The following NDFIP1 variants were observed in gnomAD, a reference collection of about 807,000 sequenced individuals.
NDFIP1 encodes the protein Nedd4 family interacting protein 1.
In NDFIP1, 7 loss-of-function variants were observed where a neutral mutation model predicts 28.8. The ratio of observed to expected loss-of-function variants is 0.24; its 90% CI spans 0.14 to 0.46. The LOEUF is 0.46. Ranked by LOEUF, NDFIP1 falls within the 20% of genes least tolerant of loss-of-function variation. The pLI, the probability that NDFIP1 is intolerant of heterozygous loss-of-function variation, is 0.99. For synonymous variants in NDFIP1, 92 were observed against 101.0 expected, an observed-to-expected ratio of 0.91 and a Z score of 0.53; for missense variants, 194 against 269.1, an observed-to-expected ratio of 0.72 and a Z score of 1.95.
intron 5 of NDFIP1, among the ~76,000 whole-genome samples, chr5:142,139,016 G>A (rs1000866633): frequency 4.0e-5 from 6 of 151,530 alleles, no homozygotes; most frequent in African/African-American, 1.5e-4. Flanking sequence ...AGGAGATCGA[G>A]ACCATCCTGG....
intron 7 of NDFIP1, among the ~76,000 whole-genome samples, chr5:142,146,608 C>A (rs7725919): frequency 0.16 from 25,045 of 152,094 alleles, 3,026 homozygotes; most frequent in African/African-American, 0.34. Context: ...AGATTTCTTT[C>A]TCTTTTTAAA....
In NDFIP1 at chr5:142,144,655, G is replaced by C; in HGVS notation, c.647G>C (p.Arg216Thr). ...ACTTTCTCAAATCTCCCCAGGACCA[G>C]AGTTCTCTTTATTTATTAAAGGTAT... is the stretch of plus-strand genomic sequence containing the variant. Reference protein sequence around the residue: ...PETFSNLPRTRVLFIY With the variant: ...PETFSNLPRTTVLFIY The change falls in exon 7 of 8, where the codon AGA becomes ACA. Residue 216 changes from arginine to threonine, a missense_variant. Transcript: ENST00000253814. The C allele has an allele frequency of 6.2e-7, 1 of 1,609,390 alleles. No individual in the cohort carries two copies. The highest frequency in any genetic ancestry group is 2.2e-5 in the East Asian group (1 of 44,790).
At chr5:142,135,694 C>T in intron 3 of NDFIP1, 36 bp from the exon 4 acceptor site, 1 of 1,576,840 alleles carries the variant, frequency 6.3e-7, no homozygotes, top group Non-Finnish European at 8.7e-7. Context: ...TATGTCTTCC[C>T]TTTGCCTAGA....
Position 142,153,983 on chromosome 5 carries a change from C to T in NDFIP1, c.*2255C>T, listed in dbSNP as rs1406218379. The T allele has an allele frequency of 6.6e-6, 1 of 152,412 alleles. No homozygotes were observed. Among genetic ancestry groups the T allele is most frequent in the Admixed American group, 6.5e-5 (1 of 15,286 alleles). 9.4% of individuals were successfully genotyped at this position (152,412 alleles called of 1,614,324 possible). ...ATACCTAGTTAAGAGGATGATTTCT[C>T]TTTAATCGTTTAAATGTTCTGAAAA... On this transcript the variant is annotated 3_prime_UTR_variant, in exon 8 of 8. Coordinates refer to ENST00000253814, the MANE Select transcript of NDFIP1 (RefSeq NM_030571.4).
intron 4 of NDFIP1, among the ~76,000 whole-genome samples, chr5:142,137,214 G>A (rs930622139): frequency 1.3e-5 from 2 of 152,102 alleles, no homozygotes; most frequent in African/African-American, 4.8e-5. Context: ...AATTTGGAGT[G>A]CAGTGGTGTG....
intron 1 of NDFIP1, 90 bp downstream of exon 1, chr5:142,109,127 C>T (rs1481420214): frequency 1.7e-6 from 2 of 1,148,040 alleles, no homozygotes; most frequent in South Asian, 3.5e-5. Context: ...CGGCCCGCGG[C>T]CAACTCGACG....
chr5:142,144,249 G>A (rs1434797112), intron 6 of NDFIP1: 1 of 168,046 alleles, frequency 6.0e-6, no homozygotes, highest in Non-Finnish European at 1.3e-5. Context: ...TGCTTTTTTG[G>A]AACTCAATAG....
chr5:142,146,555 T>C (rs1462593045), intron 7 of NDFIP1, among the ~76,000 whole-genome samples: 1 of 152,202 alleles, frequency 6.6e-6, no homozygotes, highest in African/African-American at 2.4e-5. Flanking sequence ...TCACCTAATA[T>C]TTTCCCTCTA....
intron 5 of NDFIP1, among the ~76,000 whole-genome samples, chr5:142,139,910 A>G (rs1757310669): frequency 6.6e-6 from 1 of 152,216 alleles, no homozygotes; most frequent in Admixed American, 6.5e-5. Context: ...TAAAACGATC[A>G]TTATTGAAAC....
chr5:142,122,317 T>A (rs1271383083), intron 1 of NDFIP1, among the ~76,000 whole-genome samples: 1 of 152,240 alleles, frequency 6.6e-6, no homozygotes, highest in African/African-American at 2.4e-5. Context: ...CTCAACATGA[T>A]GTTGCAAAAT....
intron 1 of NDFIP1, among the ~76,000 whole-genome samples, chr5:142,128,627 C>CT (rs989281417): frequency 5.9e-5 from 9 of 152,186 alleles, no homozygotes; most frequent in Non-Finnish European, 1.0e-4. Context: ...AAACAGCTTT[C>CT]TTGATGGAGC....
At chr5:142,141,144 A>C (rs1442756488) in intron 6 of NDFIP1, among the ~76,000 whole-genome samples, 1 of 148,618 alleles carries the variant, frequency 6.7e-6, no homozygotes, top group Non-Finnish European at 1.5e-5. Context: ...GAGAATAAGA[A>C]CTATTTTACA....
At chr5:142,132,052 AC>A (rs1757233304) in intron 2 of NDFIP1, 157 bp downstream of exon 2, 2 of 1,037,992 alleles carry the variant, frequency 1.9e-6, no homozygotes, top group Admixed American at 3.1e-5. Context: ...TTTAAAAATC[AC>A]CCCCAGTCTC....
intron 1 of NDFIP1, among the ~76,000 whole-genome samples, chr5:142,110,319 G>T (rs1029464505): frequency 1.3e-5 from 2 of 152,154 alleles, no homozygotes; most frequent in African/African-American, 4.8e-5. Flanking sequence ...CAGCCTGCGG[G>T]TTCCTTACTG....
chr5:142,150,662 G>T (rs1055108227), intron 7 of NDFIP1, among the ~76,000 whole-genome samples: 5 of 149,908 alleles, frequency 3.3e-5, no homozygotes, highest in Non-Finnish European at 5.9e-5. Flanking sequence ...GGAGGTGTAG[G>T]TTGCAGTGAG....
In NDFIP1 at chr5:142,132,231, T is replaced by A. The variant is rs749743492; in HGVS notation, c.171T>A (p.Asp57Glu). 1 of 1,612,454 alleles carries A rather than the reference T, an allele frequency of 6.2e-7. No homozygotes were observed. The highest frequency in any genetic ancestry group is 8.5e-7 in the Non-Finnish European group (1 of 1,179,690). Residue 57 changes from aspartate to glutamate, a missense_variant, in exon 3 of 8, where the codon GAT (aspartate) becomes GAA (glutamate). Asp to Glu is a conservative substitution (Grantham distance 45). Coordinates refer to ENST00000253814, the MANE Select transcript of NDFIP1 (RefSeq NM_030571.4). ...CTGCAGCATATTTTGACTACAAGGATGAGTCTGGGTTTCCAAAGCCCCCAT... is the reference window on the plus strand; with the variant it reads ...CTGCAGCATATTTTGACTACAAGGAAGAGTCTGGGTTTCCAAAGCCCCCAT... ...AESAAYFDYK[D>E]ESGFPKPPSY...
At chr5:142,119,631 C>T (rs886859655) in intron 1 of NDFIP1, among the ~76,000 whole-genome samples, 1 of 151,808 alleles carries the variant, frequency 6.6e-6, no homozygotes. Context: ...TTAAACAACA[C>T]GTTTTAAGAA....
intron 6 of NDFIP1, chr5:142,144,338 C>T: frequency 3.3e-6 from 1 of 307,656 alleles, no homozygotes; most frequent in Admixed American, 4.7e-5. Flanking sequence ...CTTTTTAGAC[C>T]AATTCAATTC....
rs1325904638 is a variant in NDFIP1, at chr5:142,140,690, T to A, written c.562+61T>A. On this transcript the variant is annotated intron_variant, in intron 6 of 7. Transcript: ENST00000253814. ...ATTACATTAAATTTTATAAGTAAAA[T>A]TACTTGTAGTAAATGTTCATCTTGA... 3.0e-6 allele frequency: 4 copies of A among 1,326,750 alleles called. No homozygotes were observed. In the Admixed American group the frequency reaches 7.7e-5, roughly 26 times the overall value. The allele number at this position is 1,326,750 out of a possible 1,614,324, so 82.2% of individuals were successfully genotyped here. A position where few individuals can be genotyped will look rare whatever the true frequency, so the allele number is the denominator to read the frequency against.
Sources: gnomAD v4.1 joint callset for allele counts (sites outside exome capture counted in the v4.1 genomes callset) on GRCh38, gnomAD v4.1.1 for gene constraint, MANE v1.5 for transcripts, NCBI Gene and HGNC (gene_info 2026-07-23, HGNC 2026-07-21) for gene names.